DACH1: variants seen among roughly 807,000 people sequenced by gnomAD.
DACH1 encodes the protein dachshund family transcription factor 1.
Under a neutral mutation model 54.2 loss-of-function variants are expected in DACH1, and 12 were observed. The observed-to-expected ratio is 0.22, with a 90% CI of 0.14 to 0.36. The LOEUF (loss-of-function observed/expected upper bound fraction) is 0.36. Ranked by LOEUF, DACH1 falls within the 10% of genes least tolerant of loss-of-function variation. The pLI, the probability that DACH1 is intolerant of heterozygous loss-of-function variation, is 1.00. For synonymous variants in DACH1, 386 were observed against 366.2 expected (o/e 1.05, Z -0.62); for missense variants, 805 against 929.8 (o/e 0.87, Z 1.75).
intron 6 of DACH1, among the ~76,000 whole-genome samples, chr13:71,506,423 G>T (rs1880330566): frequency 6.6e-6 from 1 of 151,238 alleles, no homozygotes; most frequent in Admixed American, 6.6e-5. Context: ...TACTGAGAAT[G>T]ATGATTTCCA....
chr13:71,745,999 C>T (rs1206310141), intron 1 of DACH1, among the ~76,000 whole-genome samples: 1 of 152,206 alleles, frequency 6.6e-6, no homozygotes, highest in Non-Finnish European at 1.5e-5. Context: ...GCGGGTGGAT[C>T]ACGAGGTCAA....
At chr13:71,600,130 A>G (rs1874389262) in intron 3 of DACH1, among the ~76,000 whole-genome samples, 1 of 152,136 alleles carries the variant, frequency 6.6e-6, no homozygotes, top group Non-Finnish European at 1.5e-5. Context: ...ATGCTTGATC[A>G]ATATAACCAA....
At chr13:71,483,567 A>G (rs1022628023) in intron 7 of DACH1, among the ~76,000 whole-genome samples, 2 of 147,630 alleles carry the variant, frequency 1.4e-5, no homozygotes, top group African/African-American at 4.9e-5. Flanking sequence ...TTAAATTATA[A>G]TTAAAATTAT....
chr13:71,670,190 TACTG>T (rs1276677075), intron 2 of DACH1, among the ~76,000 whole-genome samples: 5 of 152,176 alleles, frequency 3.3e-5, no homozygotes, highest in South Asian at 2.1e-4. Context: ...CCATTAATTA[TACTG>T]ACTAATTCCT....
At chr13:71,632,953 CTT>C (rs1376697808) in intron 2 of DACH1, among the ~76,000 whole-genome samples, 1 of 152,114 alleles carries the variant, frequency 6.6e-6, no homozygotes, top group Non-Finnish European at 1.5e-5. Context: ...TTAAAAGTCT[CTT>C]TGTGTTTTCC....
chr13:71,448,564 A>G (rs1379690007), intron 10 of DACH1, among the ~76,000 whole-genome samples: 2 of 152,200 alleles, frequency 1.3e-5, no homozygotes, highest in Admixed American at 1.3e-4. Context: ...TTTTATATTT[A>G]GAGTAAGAAC....
intron 6 of DACH1, among the ~76,000 whole-genome samples, chr13:71,547,060 C>T (rs1035836747): frequency 9.9e-5 from 15 of 151,948 alleles, no homozygotes; most frequent in Non-Finnish European, 2.9e-5. Flanking sequence ...GCTGACTGCT[C>T]GCCCTTGCAC....
At chr13:71,689,857 GC>G (rs968097440) in intron 1 of DACH1, among the ~76,000 whole-genome samples, 104 of 152,144 alleles carry the variant, frequency 6.8e-4, no homozygotes, top group African/African-American at 2.5e-3. Flanking sequence ...CCTCGCCCTC[GC>G]CCCTAAAGCT....
chr13:71,494,054 G>A (rs1254198461), intron 6 of DACH1, among the ~76,000 whole-genome samples: 5 of 152,098 alleles, frequency 3.3e-5, no homozygotes, highest in African/African-American at 9.7e-5. Flanking sequence ...CAAATCAGAT[G>A]CAGCAAAAAG....
At chr13:71,647,367 T>C (rs947923916) in intron 2 of DACH1, among the ~76,000 whole-genome samples, 7 of 152,202 alleles carry the variant, frequency 4.6e-5, no homozygotes, top group African/African-American at 1.7e-4. Flanking sequence ...AATCAGGAAA[T>C]CAATGATGTC....
At chr13:71,499,111 G>GCACACA (rs140335206) in intron 6 of DACH1, among the ~76,000 whole-genome samples, 1 of 125,944 alleles carries the variant, frequency 7.9e-6, no homozygotes, top group Non-Finnish European at 1.7e-5. Flanking sequence ...GCGAGCACGC[G>GCACACA]CACACACACA....
chr13:71,666,848 G>A (rs1879871848), intron 2 of DACH1, among the ~76,000 whole-genome samples: 1 of 152,042 alleles, frequency 6.6e-6, no homozygotes, highest in Non-Finnish European at 1.5e-5. Flanking sequence ...TGGGTGTGGT[G>A]GTGTGTGCCT....
At chr13:71,716,693 C>T (rs1403614486) in intron 1 of DACH1, among the ~76,000 whole-genome samples, 1 of 152,070 alleles carries the variant, frequency 6.6e-6, no homozygotes, top group Admixed American at 6.6e-5. Context: ...GCCAACAAAA[C>T]CTTTAAATGC....
intron 4 of DACH1, among the ~76,000 whole-genome samples, chr13:71,568,477 G>T (rs1566347890): frequency 4.6e-5 from 7 of 151,938 alleles, no homozygotes. Context: ...TAGAATAATT[G>T]GCCTAGAAAA....
intron 7 of DACH1, among the ~76,000 whole-genome samples, chr13:71,488,759 T>C (rs1415552109): frequency 6.6e-6 from 1 of 151,570 alleles, no homozygotes; most frequent in East Asian, 1.9e-4. Context: ...CTATGTCATT[T>C]TCATCTAAGT....
At chr13:71,739,631 C>T (rs191602209) in intron 1 of DACH1, among the ~76,000 whole-genome samples, 2 of 152,268 alleles carry the variant, frequency 1.3e-5, no homozygotes, top group South Asian at 2.1e-4. Flanking sequence ...AGGTGGGTAG[C>T]AGCCACTGTC....
intron 7 of DACH1, among the ~76,000 whole-genome samples, chr13:71,482,806 T>G (rs903983521): frequency 1.3e-5 from 2 of 148,432 alleles, no homozygotes; most frequent in South Asian, 2.2e-4. Flanking sequence ...TTTTTTTTTT[T>G]TTTTTTTTTT....
In DACH1 at chr13:71,597,272, A is replaced by T. The variant is rs148796107; in HGVS notation, c.1127-24260T>A. On this transcript the variant is annotated intron_variant, in intron 3 of 10. Coordinates refer to ENST00000613252, the MANE Select transcript of DACH1 (RefSeq NM_080759.6). ...TTCTTACAACAAGAAAATGTTAAAC[A>T]TGTGAATTAATGCATACGTAAGCTG... is the stretch of plus-strand genomic sequence containing the variant. 3.1e-3 allele frequency among the ~76,000 whole-genome samples: 479 copies of T among 152,352 alleles called. 6 individuals carry two copies. Among genetic ancestry groups the T allele is most frequent in the African/African-American group, 0.01 (424 of 41,582 alleles).
chr13:71,617,784 A>G (rs1411158716), intron 3 of DACH1, among the ~76,000 whole-genome samples: 1 of 152,200 alleles, frequency 6.6e-6, no homozygotes, highest in African/African-American at 2.4e-5. Flanking sequence ...TCACTCACGG[A>G]CGTAGGCTTG....
Sources: gnomAD v4.1 joint callset for allele counts (sites outside exome capture counted in the v4.1 genomes callset) on GRCh38, gnomAD v4.1.1 for gene constraint, MANE v1.5 for transcripts, NCBI Gene and HGNC (gene_info 2026-07-23, HGNC 2026-07-21) for gene names.